The following ROS1 variants were observed in gnomAD, a reference collection of about 807,000 sequenced individuals.
The protein encoded by ROS1 is proto-oncogene tyrosine-protein kinase ROS.
Under a neutral mutation model 273.5 loss-of-function variants are expected in ROS1, and 263 were observed. The ratio of observed to expected loss-of-function variants is 0.96; its 90% CI spans 0.87 to 1.06. The LOEUF is 1.06. Ranked by LOEUF, ROS1 falls within the 50% of genes least tolerant of loss-of-function variation. The pLI is 0.00. For synonymous variants in ROS1, 1,008 were observed against 954.1 expected, an observed-to-expected ratio of 1.06 and a Z score of -1.04; for missense variants, 2,833 against 2,751.1, an observed-to-expected ratio of 1.03 and a Z score of -0.67.
chr6:117,398,693 A>AAAACAAAAAAAAAAAC, intron 7 of ROS1, among the ~76,000 whole-genome samples: 1 of 141,220 alleles, frequency 7.1e-6, no homozygotes, highest in East Asian at 2.1e-4. Flanking sequence ...AAAAAAAAAA[A>AAAACAAAAAAAAAAAC]AAAACTCGCG....
chr6:117,318,919 C>T (rs1474852031), intron 37 of ROS1, among the ~76,000 whole-genome samples: 1 of 152,086 alleles, frequency 6.6e-6, no homozygotes, highest in African/African-American at 2.4e-5. Flanking sequence ...CTGGCTCTGA[C>T]CTGACACACT....
chr6:117,382,099 C>T (rs1317757776), intron 17 of ROS1, among the ~76,000 whole-genome samples: 1 of 151,796 alleles, frequency 6.6e-6, no homozygotes, highest in Admixed American at 6.6e-5. Flanking sequence ...TATGTTTTTA[C>T]AAAAATGAAA....
chr6:117,333,969 A>C (rs1777280295), intron 32 of ROS1, among the ~76,000 whole-genome samples: 1 of 152,148 alleles, frequency 6.6e-6, no homozygotes, highest in Non-Finnish European at 1.5e-5. Flanking sequence ...ACTCCTATTC[A>C]ACATAGTATT....
chr6:117,418,713 C>T (rs1775529170), intron 1 of ROS1, among the ~76,000 whole-genome samples: 1 of 152,140 alleles, frequency 6.6e-6, no homozygotes, highest in South Asian at 2.1e-4. Flanking sequence ...GTCTTAAGAA[C>T]TTTGCAGGTA....
At chr6:117,306,910 G>A (rs1775144130) in intron 42 of ROS1, among the ~76,000 whole-genome samples, 1 of 152,052 alleles carries the variant, frequency 6.6e-6, no homozygotes, top group Non-Finnish European at 1.5e-5. Flanking sequence ...AGCACTTGGA[G>A]GGCTTGATGC....
At chr6:117,408,573 G>A (rs1774625223) in intron 5 of ROS1, among the ~76,000 whole-genome samples, 2 of 152,234 alleles carry the variant, frequency 1.3e-5, no homozygotes, top group Admixed American at 1.3e-4. Context: ...AACAGGTGCT[G>A]GAGAGGATGT....
chr6:117,319,786 AAC>A (rs1183882062), intron 37 of ROS1, 80 bp downstream of exon 37: 4 of 1,291,298 alleles, frequency 3.1e-6, no homozygotes, highest in Non-Finnish European at 3.3e-6. Flanking sequence ...AAGAGCACTC[AAC>A]TTTTATTATA....
chr6:117,317,379 C>G, intron 38 of ROS1, 107 bp from the exon 39 acceptor site: 3 of 1,301,528 alleles, frequency 2.3e-6, no homozygotes, highest in Non-Finnish European at 3.2e-6. Flanking sequence ...CCTTCAAAAC[C>G]CCTGACTTAG....
rs1772875855 is a variant in ROS1 at position 117,389,524 on chromosome 6, T to C, written c.1612A>G (p.Ile538Val). Reference protein sequence around the residue: ...QQDALSFNEFIVGCDLSHIEE... With the variant: ...QQDALSFNEFVVGCDLSHIEE... The stretch of plus-strand genomic sequence containing the variant: ...ATGTGACTCAGGTCACATCCCACGA[T>C]GAATTCATTAAAAGACAAAGCATCC... The change falls in exon 13 of 44, where the codon ATC becomes GTC. Residue 538 changes from isoleucine (I) to valine (V), a missense_variant. By Grantham distance (29) the Ile-to-Val change is conservative. Coordinates refer to ENST00000368507, the MANE Select transcript of ROS1 (RefSeq NM_001378902.1). 6.2e-7 allele frequency: 1 copy of C among 1,614,078 alleles called. No individual in the cohort carries two copies. Among genetic ancestry groups the C allele is most frequent in the South Asian group, 1.1e-5 (1 of 91,090 alleles).
At chr6:117,398,278 A>T (rs1478154745) in intron 7 of ROS1, among the ~76,000 whole-genome samples, 1 of 140,104 alleles carries the variant, frequency 7.1e-6, no homozygotes, top group African/African-American at 3.1e-5. Flanking sequence ...CCCACCGAAA[A>T]AAAAACAACA....
chr6:117,332,166 CAAA>C (rs199863437), intron 32 of ROS1, among the ~76,000 whole-genome samples: 17 of 80,888 alleles, frequency 2.1e-4, no homozygotes, highest in Admixed American at 2.6e-4. Flanking sequence ...ATATGGAAAG[CAAA>C]AAAAAAAAAA....
Position 117,341,452 on chromosome 6 carries a change from C to T in ROS1, c.4832G>A (p.Arg1611Lys). 4.3e-6 allele frequency: 7 copies of T among 1,613,870 alleles called. No homozygotes were observed. The highest frequency in any genetic ancestry group is 5.1e-6 in the Non-Finnish European group (6 of 1,179,840). ...CAGTCTAGTAACAAGGAGAGTGAGC[C>T]TTCCATTTGGAAATTCACTTTGTCT... ...PLRQSEFPNG[R>K]LTLLVTRLSG... The change falls in exon 30 of 44, where the codon AGG becomes AAG. Residue 1611 changes from arginine (R) to lysine (K), a missense_variant. Transcript: ENST00000368507.
rs185588318 is a variant in ROS1, at chr6:117,365,365, C to T, written c.2959-161G>A. Among the ~76,000 whole-genome samples the T allele has an allele frequency of 2.6e-3, 402 of 152,154 alleles. 2 individuals are homozygous for T. Among genetic ancestry groups the T allele is most frequent in the African/African-American group, 8.8e-3 (364 of 41,506 alleles). On this transcript the variant is annotated intron_variant, in intron 20 of 43. Coordinates refer to ENST00000368507, the MANE Select transcript of ROS1 (RefSeq NM_001378902.1). ...AAGTTCTGTGTTGTGCCACACAGAC[C>T]AGTTAAAGTGTATCCAGCACAGCAG...
chr6:117,383,581 C>A, intron 16 of ROS1, 73 bp from the exon 17 acceptor site: 2 of 1,141,344 alleles, frequency 1.8e-6, no homozygotes, highest in Admixed American at 1.7e-5. Flanking sequence ...TTATTGCAAT[C>A]ATTAATAAAT....
chr6:117,321,641 T>TTTC (rs2128564733), intron 35 of ROS1, among the ~76,000 whole-genome samples: 1 of 152,236 alleles, frequency 6.6e-6, no homozygotes, highest in South Asian at 2.1e-4. Context: ...ATTTAATGTA[T>TTTC]TTCTTACTGT....
chr6:117,356,959 C>T (rs1271474030), intron 25 of ROS1, 44 bp from the exon 26 acceptor site: 4 of 1,485,458 alleles, frequency 2.7e-6, no homozygotes, highest in Admixed American at 3.9e-5. Context: ...GAGTAAAATA[C>T]ATCATTTCAA....
intron 41 of ROS1, among the ~76,000 whole-genome samples, chr6:117,309,287 C>A (rs1393741739): frequency 6.6e-6 from 1 of 152,128 alleles, no homozygotes; most frequent in African/African-American, 2.4e-5. Context: ...AACACGTGCA[C>A]ACACATACAT....
At chr6:117,425,447 A>G (rs2128753103) in intron 1 of ROS1, 87 bp downstream of exon 1, 1 of 1,360,452 alleles carries the variant, frequency 7.4e-7, no homozygotes, top group East Asian at 2.6e-5. Context: ...ACTCCTCATA[A>G]AGAGAAAACA....
chr6:117,347,780 G>A (rs757522111), intron 27 of ROS1, among the ~76,000 whole-genome samples: 2 of 151,934 alleles, frequency 1.3e-5, no homozygotes, highest in Non-Finnish European at 1.5e-5. Flanking sequence ...TCCTGAATCC[G>A]TGTTGAATTT....
Sources: allele counts gnomAD v4.1 joint callset (sites outside exome capture counted in the v4.1 genomes callset), GRCh38; gene constraint gnomAD v4.1.1; transcripts MANE v1.5; gene names NCBI Gene and HGNC (gene_info 2026-07-23, HGNC 2026-07-21).